The following DLGAP2 variants were observed in gnomAD, a reference collection of about 807,000 sequenced individuals.
The protein encoded by DLGAP2 is disks large-associated protein 2.
DLGAP2 carries 26 observed loss-of-function variants against 100.3 expected under a neutral mutation model. The observed-to-expected ratio is 0.26, with a 90% confidence interval of 0.19 to 0.36. The LOEUF is 0.36. Ranked by LOEUF, DLGAP2 falls within the 10% of genes least tolerant of loss-of-function variation. The pLI, the probability that DLGAP2 is intolerant of heterozygous loss-of-function variation, is 1.00. For synonymous variants in DLGAP2, 886 were observed against 630.1 expected (o/e 1.41, Z -6.08); for missense variants, 1,858 against 1,453.2 (o/e 1.28, Z -4.53).
In DLGAP2 at chr8:1,678,269, G is replaced by C; in HGVS notation, c.2344G>C (p.Glu782Gln). 6.2e-7 allele frequency: 1 copy of C among 1,613,838 alleles called. No individual in the cohort carries two copies. The highest frequency in any genetic ancestry group is 8.5e-7 in the Non-Finnish European group (1 of 1,179,848). ...SVTAAVQADL[E>Q]LEGFPGHITT... ...CACGGCCGCCGTCCAAGCTGACCTG[G>C]AGCTGGAGGGGTTCCCAGGCCACAT... The change falls in exon 12 of 15, where the codon GAG (glutamate) becomes CAG (glutamine). Residue 782 changes from glutamate to glutamine, a missense_variant. By Grantham distance (29) the Glu-to-Gln change is conservative (BLOSUM62 2). Coordinates refer to ENST00000637795, the MANE Select transcript of DLGAP2 (RefSeq NM_001346810.2).
intron 3 of DLGAP2, among the ~76,000 whole-genome samples, chr8:1,290,969 C>T (rs1479707878): frequency 6.6e-6 from 1 of 152,118 alleles, no homozygotes; most frequent in African/African-American, 2.4e-5. Flanking sequence ...CCCATCCAGC[C>T]ACAGAACTTT....
intron 2 of DLGAP2, among the ~76,000 whole-genome samples, chr8:1,250,172 C>A (rs964371178): frequency 4.6e-5 from 7 of 151,964 alleles, no homozygotes; most frequent in Non-Finnish European, 1.0e-4. Flanking sequence ...AGCCACCATG[C>A]CCAGTAGTCT....
At chr8:1,508,730 C>T (rs1410098504) in intron 4 of DLGAP2, among the ~76,000 whole-genome samples, 3 of 150,538 alleles carry the variant, frequency 2.0e-5, no homozygotes, top group Admixed American at 1.3e-4. Flanking sequence ...GGGAAATGAA[C>T]CCAGTGCCCG....
intron 2 of DLGAP2, among the ~76,000 whole-genome samples, chr8:1,055,038 A>G (rs1738271529): frequency 6.6e-6 from 1 of 152,230 alleles, no homozygotes; most frequent in African/African-American, 2.4e-5. Flanking sequence ...TGGTCAGAAA[A>G]CAGTTCCATG....
chr8:1,232,411 C>CT (rs1798555620), intron 2 of DLGAP2, among the ~76,000 whole-genome samples: 1 of 152,202 alleles, frequency 6.6e-6, no homozygotes, highest in African/African-American at 2.4e-5. Flanking sequence ...TGCCCCATCC[C>CT]TTTCTCCAGC....
intron 2 of DLGAP2, among the ~76,000 whole-genome samples, chr8:1,140,163 C>T (rs569768518): frequency 2.0e-5 from 3 of 152,166 alleles, no homozygotes; most frequent in Admixed American, 6.5e-5. Flanking sequence ...CTTGGCCAGG[C>T]CCATGTCGTA....
intron 2 of DLGAP2, among the ~76,000 whole-genome samples, chr8:1,048,791 C>T (rs1802590494): frequency 6.6e-6 from 1 of 152,058 alleles, no homozygotes; most frequent in South Asian, 2.1e-4. Context: ...GCCACCCTCT[C>T]CTGTGTGCCT....
rs1799620986 is a variant in DLGAP2 at position 1,703,171 on chromosome 8, T to A, written c.*1765T>A. 6.6e-6 allele frequency: 1 copy of A among 152,532 alleles called. No homozygotes were observed. The allele number at this position is 152,532 out of a possible 1,614,324, so 9.4% of individuals were successfully genotyped here. On this transcript the variant is annotated 3_prime_UTR_variant, in exon 15 of 15. Transcript: ENST00000637795. ...GAAGTTTTACTTTTTTAAAGCTGAG[T>A]AGTTAAGAATTCCCTGTAAAAACAA...
At chr8:1,351,700 C>T (rs865864213) in intron 3 of DLGAP2, among the ~76,000 whole-genome samples, 205 of 12,678 alleles carry the variant, frequency 0.016, 6 homozygotes, top group Middle Eastern at 0.091. Context: ...CCTGACTGTG[C>T]GTGGAAAGGC....
intron 1 of DLGAP2, among the ~76,000 whole-genome samples, chr8:906,334 CG>C (rs1798379812): frequency 6.6e-6 from 1 of 152,196 alleles, no homozygotes. Context: ...CTGATCTCCA[CG>C]TGGGGTGTGG....
Position 1,549,301 on chromosome 8 carries a change from G to A in DLGAP2, c.848G>A (p.Arg283His), listed in dbSNP as rs1479852389. Residue 283 changes from arginine to histidine, a missense_variant, in exon 5 of 15, where the codon CGC becomes CAC. Coordinates refer to ENST00000637795, the MANE Select transcript of DLGAP2 (RefSeq NM_001346810.2). ...KHSKRSKSKE[R>H]KPEGKPRPGM... ...AGCAAGAGGAGCAAGAGCAAGGAGC[G>A]CAAGCCGGAGGGCAAGCCCCGGCCC... 1.9e-6 allele frequency: 3 copies of A among 1,612,318 alleles called. No homozygotes were observed. The highest frequency in any genetic ancestry group is 2.2e-5 in the East Asian group (1 of 44,846).
chr8:1,411,851 G>A (rs969795432), intron 3 of DLGAP2, among the ~76,000 whole-genome samples: 10 of 152,196 alleles, frequency 6.6e-5, no homozygotes, highest in Admixed American at 1.3e-4. Flanking sequence ...CTCATGAGCC[G>A]TCGTGTGGGC....
chr8:1,272,437 T>A (rs967613066), intron 3 of DLGAP2, among the ~76,000 whole-genome samples: 2 of 151,938 alleles, frequency 1.3e-5, no homozygotes, highest in African/African-American at 2.4e-5. Context: ...ATAGAAGTTA[T>A]GTACGTATCT....
intron 2 of DLGAP2, among the ~76,000 whole-genome samples, chr8:1,166,010 T>G (rs1458703802): frequency 6.6e-6 from 1 of 152,224 alleles, no homozygotes; most frequent in Non-Finnish European, 1.5e-5. Flanking sequence ...TGGCTAATTA[T>G]TAAGAAAACT....
At chr8:1,420,280 A>G (rs1489486711) in intron 3 of DLGAP2, among the ~76,000 whole-genome samples, 2 of 152,084 alleles carry the variant, frequency 1.3e-5, no homozygotes, top group Non-Finnish European at 2.9e-5. Context: ...TGTCCTTTCA[A>G]CCTTTATTGC....
intron 2 of DLGAP2, among the ~76,000 whole-genome samples, chr8:1,072,916 G>A (rs1333737646): frequency 6.6e-6 from 1 of 152,212 alleles, no homozygotes; most frequent in African/African-American, 2.4e-5. Context: ...GGCTGAGACG[G>A]AATCTGCTGT....
At chr8:771,228 T>G (rs1186731430) in intron 1 of DLGAP2, among the ~76,000 whole-genome samples, 1 of 152,194 alleles carries the variant, frequency 6.6e-6, no homozygotes, top group Admixed American at 6.5e-5. Context: ...TACTTGCAAA[T>G]GTCCTTAAGA....
chr8:1,279,190 T>G (rs991174217), intron 3 of DLGAP2, among the ~76,000 whole-genome samples: 1 of 152,206 alleles, frequency 6.6e-6, no homozygotes, highest in African/African-American at 2.4e-5. Flanking sequence ...AGTTAGGAAG[T>G]TCTTAACCTC....
At chr8:1,641,730 T>C (rs1585024076) in intron 8 of DLGAP2, among the ~76,000 whole-genome samples, 1 of 152,260 alleles carries the variant, frequency 6.6e-6, no homozygotes, top group Admixed American at 6.5e-5. Context: ...TAATTGGTCA[T>C]TTAACATCTT....
Sources: gnomAD v4.1 joint callset for allele counts (sites outside exome capture counted in the v4.1 genomes callset) on GRCh38, gnomAD v4.1.1 for gene constraint, MANE v1.5 for transcripts, NCBI Gene and HGNC (gene_info 2026-07-23, HGNC 2026-07-21) for gene names.